The following CLCN4 variants were observed in gnomAD, a reference collection of about 807,000 sequenced individuals.
CLCN4 encodes H(+)/Cl(-) exchange transporter 4.
Under a neutral mutation model 41.7 loss-of-function variants are expected in CLCN4, and 1 was observed. That is an observed-to-expected ratio of 0.02 (90% CI 0.01 to 0.11). The LOEUF (loss-of-function observed/expected upper bound fraction) is 0.11. CLCN4 is among the 10% of genes least tolerant of loss of function. The pLI, the probability that CLCN4 is intolerant of heterozygous loss-of-function variation, is 1.00. For synonymous variants in CLCN4, 277 were observed against 285.8 expected (o/e 0.97, Z 0.31); for missense variants, 287 against 661.0 (o/e 0.43, Z 6.20).
At chrX:10,188,788 T>C (rs969885938) in intron 4 of CLCN4, among the ~76,000 whole-genome samples, 1 of 112,251 alleles carries the variant, frequency 8.9e-6, no homozygotes, top group African/African-American at 3.2e-5. Flanking sequence ...GATAGAGTTT[T>C]GTGATTCCAG....
At chrX:10,213,611 T>C in intron 10 of CLCN4, 70 bp from the exon 11 acceptor site, 2 of 987,824 alleles carry the variant, frequency 2.0e-6, no homozygotes, top group Non-Finnish European at 2.8e-6. Context: ...GTCTGTCATT[T>C]TCCCCAAATC....
intron 2 of CLCN4, among the ~76,000 whole-genome samples, chrX:10,160,423 A>G (rs1250756043): frequency 9.0e-6 from 1 of 110,516 alleles, no homozygotes; most frequent in Admixed American, 9.6e-5. Flanking sequence ...CAGAAAGGAG[A>G]GTGTTAGGGA....
At chrX:10,185,893 G>A (rs1356572668) in intron 3 of CLCN4, among the ~76,000 whole-genome samples, 1 of 111,756 alleles carries the variant, frequency 8.9e-6, no homozygotes, top group African/African-American at 3.3e-5. Flanking sequence ...CATGCTGAAA[G>A]CCACAGAAGA....
chrX:10,214,049 G>T lies in CLCN4; in HGVS notation c.1945G>T (p.Ala649Ser). 1 of 1,183,440 alleles carries T rather than the reference G, an allele frequency of 8.4e-7. No homozygotes were observed. Among genetic ancestry groups the T allele is most frequent in the East Asian group, 3.0e-5 (1 of 33,547 alleles). The change falls in exon 11 of 13, where the codon GCC becomes TCC. Residue 649 changes from alanine (A) to serine (S), a missense_variant. By Grantham distance (99) the Ala-to-Ser change is moderately conservative. Around this residue, in one of 6 missense-constraint regions of CLCN4, gnomAD observed 71 missense variants for 104.5 expected, o/e 0.68. Coordinates refer to ENST00000380833, the MANE Select transcript of CLCN4 (RefSeq NM_001830.4). ...AGACTCCGAGCGCCTCATTGGATTT[G>T]CCCAGAGGAGGGAACTGATTCTCGC... ...SRDSERLIGF[A>S]QRRELILAIK...
At chrX:10,190,727 G>A (rs1017150769) in intron 4 of CLCN4, among the ~76,000 whole-genome samples, 1 of 111,683 alleles carries the variant, frequency 9.0e-6, no homozygotes, top group African/African-American at 3.3e-5. Flanking sequence ...ATTCCACAAG[G>A]TATATGTACT....
chrX:10,176,115 A>G (rs2078994428), intron 2 of CLCN4, among the ~76,000 whole-genome samples: 2 of 112,138 alleles, frequency 1.8e-5, no homozygotes, highest in African/African-American at 6.5e-5. Flanking sequence ...AAGGGGAATG[A>G]CTGTGGCCAC....
chrX:10,186,831 ATGAC>A (rs1412809304), intron 3 of CLCN4, among the ~76,000 whole-genome samples: 1 of 111,937 alleles, frequency 8.9e-6, no homozygotes, highest in African/African-American at 3.3e-5. Flanking sequence ...CCATATTTTT[ATGAC>A]TCCTTTTGTG....
intron 6 of CLCN4, among the ~76,000 whole-genome samples, chrX:10,198,380 C>T (rs1569228446): frequency 8.9e-6 from 1 of 111,952 alleles, no homozygotes; most frequent in Non-Finnish European, 1.9e-5. Context: ...TCTTTGTAAA[C>T]CAGGCATAAC....
At chrX:10,233,089 T>G (rs1271011977) in intron 12 of CLCN4, among the ~76,000 whole-genome samples, 1 of 112,285 alleles carries the variant, frequency 8.9e-6, no homozygotes, top group Non-Finnish European at 1.9e-5. Flanking sequence ...ATAGGTTTAC[T>G]GCCGTAATAA....
intron 6 of CLCN4, among the ~76,000 whole-genome samples, chrX:10,199,648 G>A (rs1250130343): frequency 1.8e-5 from 2 of 112,594 alleles, no homozygotes; most frequent in Non-Finnish European, 3.8e-5. Flanking sequence ...TGGAGGAAAT[G>A]CGCATAAATA....
At chrX:10,206,319 A>C in intron 6 of CLCN4, 39 bp from the exon 7 acceptor site, 1 of 1,033,683 alleles carries the variant, frequency 9.7e-7, no homozygotes, top group East Asian at 3.0e-5. Context: ...CATGGATTGA[A>C]GGAGTTCATT....
chrX:10,186,885 C>T (rs748113447), intron 3 of CLCN4, among the ~76,000 whole-genome samples: 2 of 111,752 alleles, frequency 1.8e-5, no homozygotes, highest in Non-Finnish European at 3.8e-5. Flanking sequence ...GGAGACCATC[C>T]GGCCCGCAAA....
Position 10,180,313 on chromosome X carries a change from C to T in CLCN4, c.-11-4709C>T, listed in dbSNP as rs1643396372. Among the ~76,000 whole-genome samples, 5 of 111,701 alleles carry T rather than the reference C, an allele frequency of 4.5e-5. 1 individual carries two copies. In the Admixed American group the frequency reaches 4.8e-4, roughly 11 times the overall value. ...AGAGGTAGAGTCTACTTTCTCTCTC[C>T]TTGAACCTGGGTGGGATTTTGTGAC... is the stretch of plus-strand genomic sequence containing the variant. On this transcript the variant is annotated intron_variant, in intron 2 of 12. Transcript: ENST00000380833.
At chrX:10,233,446 T>C (rs763634261) in intron 12 of CLCN4, 48 bp from the exon 13 acceptor site, 5 of 936,707 alleles carry the variant, frequency 5.3e-6, no homozygotes, top group Non-Finnish European at 7.7e-6. Flanking sequence ...GAGGGATGAG[T>C]CGTCGTTTCA....
chrX:10,211,020 C>T (rs1421627306), intron 9 of CLCN4, among the ~76,000 whole-genome samples: 2 of 101,832 alleles, frequency 2.0e-5, no homozygotes, highest in Non-Finnish European at 4.0e-5. Flanking sequence ...AATCCAAGCA[C>T]TTTGGGAGGC....
At chrX:10,220,124 G>A (rs192835272) in intron 11 of CLCN4, among the ~76,000 whole-genome samples, 16 of 111,916 alleles carry the variant, frequency 1.4e-4, no homozygotes, top group African/African-American at 3.9e-4. Context: ...CCCAAGGGTC[G>A]CGTTTGGGAT....
In CLCN4 at chrX:10,187,613, G is replaced by A. The variant is rs373242158; in HGVS notation, c.243G>A (p.Ala81=). Residue 81 remains alanine, a splice_region_variant and synonymous_variant, in exon 4 of 13, where the codon GCG becomes GCA. Coordinates refer to ENST00000380833, the MANE Select transcript of CLCN4 (RefSeq NM_001830.4). The part of the protein sequence containing the change: ...WVVMLLIGLL[A]GTLAGVIDLA... The stretch of plus-strand genomic sequence containing the variant: ...TGATGCTGCTCATCGGCCTGCTGGC[G>A]GGTACGTGGATGGGCATGCGGCACT... 32 of 1,201,561 alleles carry A rather than the reference G, an allele frequency of 2.7e-5. No homozygotes were observed. The highest frequency in any genetic ancestry group is 3.5e-5 in the Non-Finnish European group (31 of 887,491).
At chrX:10,170,884 GT>G (rs954963825) in intron 2 of CLCN4, among the ~76,000 whole-genome samples, 10 of 112,319 alleles carry the variant, frequency 8.9e-5, no homozygotes, top group Non-Finnish European at 1.5e-4. Context: ...ATATTAGGGA[GT>G]TTTTCTGAAT....
rs2147195027 is a variant in CLCN4, at chrX:10,235,689, T to G, written c.*2105T>G. ...TGGAACTTCTAATTAATGTGCAAAATACATATTTTCTCCAGGTTAAGAAAT... is the reference window on the plus strand; with the variant it reads ...TGGAACTTCTAATTAATGTGCAAAAGACATATTTTCTCCAGGTTAAGAAAT... On this transcript the variant is annotated 3_prime_UTR_variant, in exon 13 of 13. Coordinates refer to ENST00000380833, the MANE Select transcript of CLCN4 (RefSeq NM_001830.4). 1 of 112,140 alleles carries G rather than the reference T, an allele frequency of 8.9e-6. No homozygotes were observed. The highest frequency in any genetic ancestry group is 1.9e-5 in the Non-Finnish European group (1 of 53,278). 9.2% of individuals were successfully genotyped at this position (112,140 alleles called of 1,213,427 possible). A position where few individuals can be genotyped will look rare whatever the true frequency, so the allele number is the denominator to read the frequency against.
Sources: allele counts gnomAD v4.1 joint callset (sites outside exome capture counted in the v4.1 genomes callset), GRCh38; gene constraint gnomAD v4.1.1; regional missense constraint gnomAD v4.1.1; transcripts MANE v1.5; gene names NCBI Gene and HGNC (gene_info 2026-07-23, HGNC 2026-07-21).